The following DCP2 variants were observed in gnomAD, a reference collection of about 807,000 sequenced individuals.
DCP2 encodes the protein decapping mRNA 2, also known as m7GpppN-mRNA hydrolase.
In DCP2, 30 loss-of-function variants were observed where a neutral mutation model predicts 56.1. The ratio of observed to expected loss-of-function variants is 0.53; its 90% confidence interval spans 0.40 to 0.73. DCP2 has a LOEUF of 0.73. Ranked by LOEUF, DCP2 falls within the 30% of genes least tolerant of loss-of-function variation. The pLI, the probability that DCP2 is intolerant of heterozygous loss-of-function variation, is 0.00. For missense variants in DCP2, 533 were observed against 502.7 expected (o/e 1.06, Z -0.58); for synonymous variants, 197 against 163.3 (o/e 1.21, Z -1.57).
At chr5:113,012,444 T>C (rs1052771802) in intron 10 of DCP2, among the ~76,000 whole-genome samples, 1 of 152,132 alleles carries the variant, frequency 6.6e-6, no homozygotes, top group East Asian at 1.9e-4. Flanking sequence ...TCTTGAGAAG[T>C]GTGAAAGGAT....
At chr5:112,984,957 A>G (rs938451841) in intron 1 of DCP2, among the ~76,000 whole-genome samples, 1 of 151,710 alleles carries the variant, frequency 6.6e-6, no homozygotes, top group African/African-American at 2.4e-5. Flanking sequence ...ACAGCCAAGA[A>G]TTATTTACTA....
chr5:113,012,506 CTCTTG>C (rs1749718300), intron 10 of DCP2, among the ~76,000 whole-genome samples: 1 of 152,218 alleles, frequency 6.6e-6, no homozygotes, highest in African/African-American at 2.4e-5. Context: ...CTACCCCAGC[CTCTTG>C]ATGTCTATTC....
intron 8 of DCP2, among the ~76,000 whole-genome samples, chr5:113,004,343 G>A (rs1749315399): frequency 6.6e-6 from 1 of 152,128 alleles, no homozygotes; most frequent in African/African-American, 2.4e-5. Flanking sequence ...TAAGTCATAA[G>A]GAAAATATTT....
intron 1 of DCP2, among the ~76,000 whole-genome samples, chr5:112,981,903 T>A (rs1450382419): frequency 1.3e-5 from 2 of 152,178 alleles, no homozygotes; most frequent in Non-Finnish European, 2.9e-5. Flanking sequence ...CCCGAGTAGC[T>A]GGGATTACAG....
intron 1 of DCP2, among the ~76,000 whole-genome samples, chr5:112,980,578 C>G (rs1226810793): frequency 1.8e-5 from 2 of 108,158 alleles, no homozygotes; most frequent in Non-Finnish European, 3.9e-5. Context: ...TGTACACGTA[C>G]TTTTGAACTT....
At chr5:112,997,929 A>T (rs939175171) in intron 4 of DCP2, among the ~76,000 whole-genome samples, 21 of 151,872 alleles carry the variant, frequency 1.4e-4, no homozygotes, top group African/African-American at 5.1e-4. Context: ...GTAACACTTT[A>T]AAAAAAATTT....
At chr5:112,991,380 A>G (rs893503786) in intron 2 of DCP2, among the ~76,000 whole-genome samples, 2 of 152,210 alleles carry the variant, frequency 1.3e-5, no homozygotes, top group Non-Finnish European at 2.9e-5. Flanking sequence ...GTCTGAGCAT[A>G]TAATTTCAGG....
chr5:112,987,342 G>A (rs1053894969), intron 2 of DCP2, among the ~76,000 whole-genome samples: 3 of 152,196 alleles, frequency 2.0e-5, no homozygotes, highest in East Asian at 1.9e-4. Flanking sequence ...GAATTGAACA[G>A]CGTCCTCTCA....
intron 9 of DCP2, among the ~76,000 whole-genome samples, chr5:113,009,676 G>T (rs1355121508): frequency 7.9e-5 from 12 of 152,140 alleles, no homozygotes; most frequent in African/African-American, 2.9e-4. Context: ...CAGTATCGTA[G>T]ATCTGTGCAG....
chr5:113,001,450 A>G lies in DCP2; in HGVS notation c.679A>G (p.Met227Val). 6.2e-7 allele frequency: 1 copy of G among 1,613,804 alleles called. No homozygotes were observed. The highest frequency in any genetic ancestry group is 8.5e-7 in the Non-Finnish European group (1 of 1,179,848). ...KLGLAPNKFF[M>V]AIPFIRPLRD... ...TGGTTTGGCACCTAACAAATTTTTT[A>G]TGGCCATTCCCTTTATCAGGTGTGT... The change falls in exon 6 of 11, where the codon ATG becomes GTG. Residue 227 changes from methionine (M) to valine (V), a missense_variant. Around this residue, in one of 3 missense-constraint regions of DCP2, gnomAD observed 392 missense variants for 346.6 expected, o/e 1.13. Coordinates refer to ENST00000389063, the MANE Select transcript of DCP2 (RefSeq NM_152624.6).
In DCP2 at chr5:112,976,841, CCAGCT is replaced by C. The variant is rs2150162569; in HGVS notation, c.-91_-87del. 7.3e-7 allele frequency: 1 copy of C among 1,374,852 alleles called. No individual in the cohort carries two copies. The highest frequency in any genetic ancestry group is 1.0e-6 in the Non-Finnish European group (1 of 961,748). The allele number at this position is 1,374,852 out of a possible 1,614,324, so 85.2% of individuals were successfully genotyped here. A position where few individuals can be genotyped will look rare whatever the true frequency, so the allele number is the denominator to read the frequency against. ...GTCTCTGCCGCGGCTTCCTCGGCTG[CCAGCT>C]CTCCGGCGAGCCGGAGTCCTAGTGC... On this transcript the variant is annotated 5_prime_UTR_variant, in exon 1 of 11. Transcript: ENST00000389063.
chr5:112,986,585 A>G (rs149904515), intron 2 of DCP2, among the ~76,000 whole-genome samples: 2,579 of 151,996 alleles, frequency 0.017, 70 homozygotes, highest in African/African-American at 0.058. Context: ...TGATCCTCCT[A>G]CCTTGGCCTC....
At chr5:113,004,770 A>G (rs1355628359) in intron 8 of DCP2, among the ~76,000 whole-genome samples, 2 of 150,698 alleles carry the variant, frequency 1.3e-5, no homozygotes, top group South Asian at 2.1e-4. Context: ...CTTTACTAAT[A>G]CTTGATGTTA....
chr5:113,004,285 G>C (rs1309643243), intron 8 of DCP2, among the ~76,000 whole-genome samples: 2 of 152,154 alleles, frequency 1.3e-5, no homozygotes, highest in East Asian at 3.9e-4. Context: ...ATAAGAATTA[G>C]CATCTGACTT....
chr5:112,982,334 G>A (rs964663915), intron 1 of DCP2, among the ~76,000 whole-genome samples: 1 of 152,126 alleles, frequency 6.6e-6, no homozygotes, highest in East Asian at 1.9e-4. Flanking sequence ...GTCTGGACTC[G>A]TTGCTCCTCA....
chr5:112,976,991 C>G lies in DCP2; in HGVS notation c.53+5C>G, dbSNP rs766619432. 1.1e-5 allele frequency: 17 copies of G among 1,542,384 alleles called. No individual in the cohort carries two copies. In the African/African-American group the frequency reaches 2.1e-4, roughly 19 times the overall value. ...CGTCCTGGACGATCTCTGCAGGTAC[C>G]GCGCTACCCGACCCCCTTTCGCCCC... On this transcript the variant is annotated splice_donor_5th_base_variant and intron_variant, in intron 1 of 10. Transcript: ENST00000389063.
Position 113,009,647 on chromosome 5 carries a change from T to C in DCP2, c.1048-1109T>C, listed in dbSNP as rs1041537616. On this transcript the variant is annotated intron_variant, in intron 9 of 10. Coordinates refer to ENST00000389063, the MANE Select transcript of DCP2 (RefSeq NM_152624.6). ...ATGATGAAAACGTGGAAAACAAATA[T>C]TGAAGAAGATATTAAATACAGTATC... is the stretch of plus-strand genomic sequence containing the variant. Among the ~76,000 whole-genome samples the C allele has an allele frequency of 4.1e-5, 6 of 145,416 alleles. No homozygotes were observed. The East Asian group carries it at 1.2e-3, about 29-fold the overall frequency.
At chr5:113,011,352 C>T (rs997699720) in intron 10 of DCP2, among the ~76,000 whole-genome samples, 1 of 152,188 alleles carries the variant, frequency 6.6e-6, no homozygotes, top group African/African-American at 2.4e-5. Context: ...TCTCCTTCCT[C>T]GGTTATGAAA....
chr5:112,995,518 A>G (rs1476222273), intron 4 of DCP2, among the ~76,000 whole-genome samples: 2 of 152,182 alleles, frequency 1.3e-5, no homozygotes, highest in African/African-American at 4.8e-5. Flanking sequence ...ATTGGTTGGA[A>G]TAACAAAACA....
Sources: gnomAD v4.1 joint callset for allele counts (sites outside exome capture counted in the v4.1 genomes callset) on GRCh38, gnomAD v4.1.1 for gene constraint, gnomAD v4.1.1 regional missense constraint, MANE v1.5 for transcripts, NCBI Gene and HGNC (gene_info 2026-07-23, HGNC 2026-07-21) for gene names.